The following COBLL1 variants were observed in gnomAD, a reference collection of about 807,000 sequenced individuals.
COBLL1 encodes the protein cordon-bleu WH2 repeat protein like 1.
In COBLL1, 50 loss-of-function variants were observed where a neutral mutation model predicts 94.8. The observed-to-expected ratio is 0.53, with a 90% CI of 0.42 to 0.67. The LOEUF is 0.67. Ranked by LOEUF, COBLL1 falls within the 30% of genes least tolerant of loss-of-function variation. COBLL1 has a pLI of 0.00. For synonymous variants in COBLL1, 448 were observed against 473.8 expected, an observed-to-expected ratio of 0.95 and a Z score of 0.71; for missense variants, 1,362 against 1,348.7, an observed-to-expected ratio of 1.01 and a Z score of -0.15.
At chr2:164,780,977 C>T (rs926996843) in intron 2 of COBLL1, among the ~76,000 whole-genome samples, 5 of 152,246 alleles carry the variant, frequency 3.3e-5, no homozygotes, top group Admixed American at 6.5e-5. Context: ...TTCTCCTGGG[C>T]GTTTCCTTAT....
At chr2:164,789,483 T>C (rs1233093597) in intron 2 of COBLL1, among the ~76,000 whole-genome samples, 1 of 152,108 alleles carries the variant, frequency 6.6e-6, no homozygotes, top group Non-Finnish European at 1.5e-5. Context: ...GGAGAGTGAA[T>C]ATCTTCAAAG....
At chr2:164,775,613 C>A (rs531312112) in intron 2 of COBLL1, among the ~76,000 whole-genome samples, 59 of 152,208 alleles carry the variant, frequency 3.9e-4, no homozygotes, top group Non-Finnish European at 6.5e-4. Context: ...CAGGCGTGTG[C>A]CACCAGGCCC....
intron 2 of COBLL1, among the ~76,000 whole-genome samples, chr2:164,835,673 G>A (rs1391656588): frequency 6.6e-6 from 1 of 152,098 alleles, no homozygotes; most frequent in Non-Finnish European, 1.5e-5. Context: ...TACCACAATG[G>A]AGAAAAAGGG....
chr2:164,835,225 T>C (rs1559060873), intron 2 of COBLL1, among the ~76,000 whole-genome samples: 1 of 152,212 alleles, frequency 6.6e-6, no homozygotes, highest in Non-Finnish European at 1.5e-5. Context: ...CCCATGTTCA[T>C]AGCAACAGCA....
intron 1 of COBLL1, among the ~76,000 whole-genome samples, chr2:164,668,557 T>C (rs1375737825): frequency 2.0e-5 from 3 of 152,204 alleles, no homozygotes; most frequent in African/African-American, 7.2e-5. Flanking sequence ...AGTGAGCACA[T>C]GCTGTTGGAA....
chr2:164,776,530 T>A (rs138868577), intron 2 of COBLL1, among the ~76,000 whole-genome samples: 3 of 152,214 alleles, frequency 2.0e-5, no homozygotes, highest in African/African-American at 7.2e-5. Context: ...TGCTAACCCA[T>A]CACCCTATTT....
chr2:164,805,333 CTCTCTATATATATA>C (rs1223779083), intron 2 of COBLL1, among the ~76,000 whole-genome samples: 2 of 20,558 alleles, frequency 9.7e-5, no homozygotes, highest in Non-Finnish European at 1.8e-4. Context: ...CTCTCTCTCT[CTCTCTATATATATA>C]TATATATATA....
intron 3 of COBLL1, among the ~76,000 whole-genome samples, chr2:164,731,318 A>G (rs1298154104): frequency 2.0e-5 from 3 of 152,248 alleles, no homozygotes. Context: ...AATGTTTAAT[A>G]CTATTGGTAA....
intron 1 of COBLL1, among the ~76,000 whole-genome samples, chr2:164,668,315 T>C (rs966910484): frequency 1.3e-5 from 2 of 152,180 alleles, no homozygotes; most frequent in Admixed American, 6.5e-5. Context: ...TTCCTAGCTT[T>C]TGGTACAAAG....
intron 2 of COBLL1, among the ~76,000 whole-genome samples, chr2:164,818,204 A>ATG (rs746910102): frequency 2.7e-5 from 4 of 150,460 alleles, no homozygotes; most frequent in African/African-American, 7.3e-5. Context: ...ATGTATACAT[A>ATG]TGTGTGTATA....
At chr2:164,743,904 C>T (rs530934579) in intron 2 of COBLL1, 29 bp from the exon 3 acceptor site, 1 of 1,413,900 alleles carries the variant, frequency 7.1e-7, no homozygotes, top group African/African-American at 1.5e-5. Flanking sequence ...ACAAAAAATA[C>T]AAAATATTTT....
chr2:164,784,299 C>T (rs1320853258), intron 2 of COBLL1, among the ~76,000 whole-genome samples: 1 of 152,184 alleles, frequency 6.6e-6, no homozygotes, highest in African/African-American at 2.4e-5. Flanking sequence ...ACAGAAGTCA[C>T]TCAATAAACA....
In COBLL1 at chr2:164,704,732, TATGAC is replaced by T. The variant is rs749642909; in HGVS notation, c.1150+215_1151-215del. On this transcript the variant is annotated intron_variant, in intron 8 of 13. Transcript: ENST00000652658. ...CATCTTTCTGAATAAATTCACAGAT[TATGAC>T]ATGCTCATCTTAGGATAATGGAGCT... Among the ~76,000 whole-genome samples the T allele has an allele frequency of 7.7e-4, 118 of 152,370 alleles. 1 individual carries two copies. Among genetic ancestry groups the T allele is most frequent in the South Asian group, 1.9e-3 (9 of 4,834 alleles).
At chr2:164,698,743 G>T (rs1004723404) in intron 11 of COBLL1, among the ~76,000 whole-genome samples, 1 of 151,798 alleles carries the variant, frequency 6.6e-6, no homozygotes, top group Admixed American at 6.6e-5. Context: ...ATATAGAACC[G>T]CAAAGCTTCT....
rs963391863 is a variant in COBLL1 at position 164,702,576 on chromosome 2, A to T, written c.1226-1820T>A. On this transcript the variant is annotated intron_variant, in intron 9 of 13. Transcript: ENST00000652658. ...GACTCCTCAAAAAAAAAAAAAAAAA[A>T]ATAATAATAATAATAATTTGAAAAC... Among the ~76,000 whole-genome samples the T allele has an allele frequency of 7.3e-3, 961 of 132,238 alleles. 6 individuals carry two copies. Among genetic ancestry groups the T allele is most frequent in the Middle Eastern group, 0.027 (7 of 258 alleles). The allele number at this position is 132,238 out of a possible 152,430, so 86.8% of individuals were successfully genotyped here.
intron 2 of COBLL1, among the ~76,000 whole-genome samples, chr2:164,803,667 G>A (rs1350054996): frequency 5.3e-5 from 8 of 151,970 alleles, no homozygotes; most frequent in Admixed American, 5.2e-4. Context: ...AGATAAGTAG[G>A]CTTATGATAT....
chr2:164,818,358 ACGTATGTGTACATG>A (rs900577443), intron 2 of COBLL1, among the ~76,000 whole-genome samples: 2 of 150,546 alleles, frequency 1.3e-5, no homozygotes, highest in South Asian at 2.1e-4. Context: ...ATGTGCATAT[ACGTATGTGTACATG>A]CGTATGTGTG....
chr2:164,691,127 G>A (rs1487516227), intron 13 of COBLL1, among the ~76,000 whole-genome samples: 3 of 152,054 alleles, frequency 2.0e-5, no homozygotes, highest in Non-Finnish European at 2.9e-5. Context: ...TTGTCTCCAT[G>A]TTTGCCCAGA....
intron 2 of COBLL1, among the ~76,000 whole-genome samples, chr2:164,774,421 CT>C (rs760937477): frequency 4.6e-5 from 7 of 152,140 alleles, no homozygotes; most frequent in South Asian, 4.1e-4. Context: ...ATTTAAACAG[CT>C]AGATTTTATA....
Sources: allele counts gnomAD v4.1 joint callset (sites outside exome capture counted in the v4.1 genomes callset), GRCh38; gene constraint gnomAD v4.1.1; transcripts MANE v1.5; gene names NCBI Gene and HGNC (gene_info 2026-07-23, HGNC 2026-07-21).